Variants in NPAS3 observed in about 807,000 individuals in gnomAD.
The protein encoded by NPAS3 is neuronal PAS domain-containing protein 3.
A neutral mutation model predicts 73.1 loss-of-function variants in NPAS3; 14 were observed. That is an observed-to-expected ratio of 0.19 (90% confidence interval 0.13 to 0.30). The LOEUF (loss-of-function observed/expected upper bound fraction) is 0.30. NPAS3 is among the 10% of genes least tolerant of loss of function. NPAS3 has a pLI of 1.00. For missense variants in NPAS3, 1,096 were observed against 1,250.0 expected (o/e 0.88, Z 1.86); for synonymous variants, 620 against 541.5 (o/e 1.14, Z -2.01).
intron 1 of NPAS3, among the ~76,000 whole-genome samples, chr14:33,002,681 G>A (rs1397063898): frequency 6.6e-6 from 1 of 152,194 alleles, no homozygotes; most frequent in African/African-American, 2.4e-5. Flanking sequence ...GAAATAGGTG[G>A]CTTCCACAAA....
At chr14:33,489,330 C>T (rs1356271195) in intron 4 of NPAS3, among the ~76,000 whole-genome samples, 1 of 152,028 alleles carries the variant, frequency 6.6e-6, no homozygotes, top group Non-Finnish European at 1.5e-5. Context: ...AACTACAGTA[C>T]TAAATATAGG....
At chr14:33,370,705 C>A (rs2046049480) in intron 4 of NPAS3, among the ~76,000 whole-genome samples, 1 of 152,086 alleles carries the variant, frequency 6.6e-6, no homozygotes, top group Admixed American at 6.5e-5. Context: ...AAATGAAGAT[C>A]TTTTGCAAGA....
intron 8 of NPAS3, among the ~76,000 whole-genome samples, chr14:33,777,050 C>T (rs2062843383): frequency 6.6e-6 from 1 of 152,160 alleles, no homozygotes; most frequent in Admixed American, 6.5e-5. Flanking sequence ...GAAACTAAGC[C>T]TTGCTCCTTG....
At chr14:33,554,072 G>A (rs903638381) in intron 4 of NPAS3, among the ~76,000 whole-genome samples, 3 of 152,182 alleles carry the variant, frequency 2.0e-5, no homozygotes, top group Admixed American at 6.5e-5. Flanking sequence ...TGGAAAGATA[G>A]GCAATGGAGT....
At chr14:33,232,555 T>A (rs2047891142) in intron 3 of NPAS3, among the ~76,000 whole-genome samples, 1 of 152,156 alleles carries the variant, frequency 6.6e-6, no homozygotes, top group Non-Finnish European at 1.5e-5. Context: ...TCTGCGTTGC[T>A]CTCTCTTTTG....
At chr14:33,439,480 T>G (rs892394170) in intron 4 of NPAS3, among the ~76,000 whole-genome samples, 2 of 152,232 alleles carry the variant, frequency 1.3e-5, no homozygotes, top group African/African-American at 4.8e-5. Context: ...GAACTTGACC[T>G]ACGTTCCTCA....
intron 1 of NPAS3, among the ~76,000 whole-genome samples, chr14:33,042,569 C>A (rs534618802): frequency 4.6e-5 from 7 of 152,228 alleles, no homozygotes; most frequent in Admixed American, 4.6e-4. Context: ...TGCTCTCTAC[C>A]CCATTCTATT....
In NPAS3 at chr14:33,227,654, C is replaced by T. The variant is rs77977125; in HGVS notation, c.385+12228C>T. ...TCTCTAATCTCATTCATGAGGGTTC[C>T]GCCCTCTGTGACAATTACCTCCCAA... On this transcript the variant is annotated intron_variant, in intron 3 of 11. Coordinates refer to ENST00000356141, the Ensembl canonical transcript of NPAS3. Among the ~76,000 whole-genome samples the T allele has an allele frequency of 2.5e-3, 388 of 152,192 alleles. 1 individual carries two copies. Among genetic ancestry groups the T allele is most frequent in the Non-Finnish European group, 4.4e-3 (299 of 67,986 alleles).
intron 4 of NPAS3, among the ~76,000 whole-genome samples, chr14:33,524,727 G>A (rs146966030): frequency 6.6e-6 from 1 of 152,126 alleles, no homozygotes; most frequent in South Asian, 2.1e-4. Flanking sequence ...GGCAGGGTTG[G>A]TTCCTTCTGA....
intron 5 of NPAS3, among the ~76,000 whole-genome samples, chr14:33,672,203 C>A (rs1334994921): frequency 6.6e-6 from 1 of 152,096 alleles, no homozygotes; most frequent in Admixed American, 6.6e-5. Flanking sequence ...CTGTCCCTTC[C>A]CGGCATTTAT....
At chr14:33,793,871 G>A in intron 9 of NPAS3, 26 bp from the exon 10 acceptor site, 1 of 1,597,404 alleles carries the variant, frequency 6.3e-7, no homozygotes. Flanking sequence ...TTAATACAAT[G>A]CCTCTGTTTT....
rs529790337 is a variant in NPAS3, at chr14:33,282,914, C to A, written c.385+67488C>A. ...CCATTTTAAAGTGGATGCCTTGATT[C>A]AAAGACTACAGAAGCCTAACCCTGT... On this transcript the variant is annotated intron_variant, in intron 3 of 11. Transcript: ENST00000356141. Among the ~76,000 whole-genome samples, 634 of 152,238 alleles carry A rather than the reference C, an allele frequency of 4.2e-3. 2 individuals are homozygous for A. The highest frequency in any genetic ancestry group is 7.2e-3 in the Non-Finnish European group (491 of 67,998).
At chr14:33,782,121 T>G (rs2062996509) in intron 9 of NPAS3, among the ~76,000 whole-genome samples, 1 of 152,218 alleles carries the variant, frequency 6.6e-6, no homozygotes, top group African/African-American at 2.4e-5. Flanking sequence ...CAAAGACGTC[T>G]GTGATTTCTT....
intron 6 of NPAS3, among the ~76,000 whole-genome samples, chr14:33,708,058 C>CAA (rs773540712): frequency 1.3e-4 from 19 of 150,510 alleles, no homozygotes; most frequent in African/African-American, 4.4e-4. Context: ...CGAGCAGCCA[C>CAA]AAAAAAAAAC....
intron 5 of NPAS3, among the ~76,000 whole-genome samples, chr14:33,565,273 T>C (rs2055870640): frequency 6.6e-6 from 1 of 152,240 alleles, no homozygotes; most frequent in Non-Finnish European, 1.5e-5. Context: ...GCATTTGTTA[T>C]ATAAAATGGC....
chr14:32,961,409 C>CAA (rs555007306), intron 1 of NPAS3, among the ~76,000 whole-genome samples: 8 of 57,264 alleles, frequency 1.4e-4, no homozygotes, highest in Non-Finnish European at 1.1e-4. Context: ...GACTTCATCT[C>CAA]AAAAAAAAAA....
chr14:33,381,000 CT>C lies in NPAS3; in HGVS notation c.468+13745del, dbSNP rs957426320. On this transcript the variant is annotated intron_variant, in intron 4 of 11. Transcript: ENST00000356141. ...AATTGACCTAAAGAAACAGAAAATT[CT>C]TTTTTTTTTTTTGTAAGTGGGAAGT... Among the ~76,000 whole-genome samples the C allele has an allele frequency of 2.8e-3, 395 of 141,498 alleles. 1 individual carries two copies. The highest frequency in any genetic ancestry group is 3.7e-3 in the Admixed American group (52 of 14,146). 92.8% of individuals were successfully genotyped at this position (141,498 alleles called of 152,430 possible). A position where few individuals can be genotyped will look rare whatever the true frequency, so the allele number is the denominator to read the frequency against.
chr14:33,040,628 C>T (rs1189990248), intron 1 of NPAS3, among the ~76,000 whole-genome samples: 1 of 152,118 alleles, frequency 6.6e-6, no homozygotes, highest in Non-Finnish European at 1.5e-5. Flanking sequence ...TTGTTTATTA[C>T]TTCATTTCAT....
chr14:33,656,959 G>T (rs2059161154), intron 5 of NPAS3, among the ~76,000 whole-genome samples: 1 of 152,138 alleles, frequency 6.6e-6, no homozygotes, highest in South Asian at 2.1e-4. Flanking sequence ...CAGTAGCCAA[G>T]ATACGGAATC....
Sources: allele counts gnomAD v4.1 joint callset (sites outside exome capture counted in the v4.1 genomes callset), GRCh38; gene constraint gnomAD v4.1.1; transcripts MANE v1.5; gene names NCBI Gene and HGNC (gene_info 2026-07-23, HGNC 2026-07-21).